Variants in CA5B observed in about 807,000 individuals in gnomAD.
CA5B encodes carbonic anhydrase 5B, also known as carbonic anhydrase 5B, mitochondrial.
A neutral mutation model predicts 23.1 loss-of-function variants in CA5B; 15 were observed. The ratio of observed to expected loss-of-function variants is 0.65; its 90% confidence interval spans 0.43 to 1.00. The LOEUF is 1.00. CA5B is among the 50% of genes least tolerant of loss of function. The pLI, the probability that CA5B is intolerant of heterozygous loss-of-function variation, is 0.00. For synonymous variants in CA5B, 84 were observed against 98.5 expected (o/e 0.85, Z 0.87); for missense variants, 236 against 252.2 (o/e 0.94, Z 0.43).
chrX:15,750,046 G>T lies in CA5B; in HGVS notation c.23G>T (p.Arg8Met). 2 of 1,209,789 alleles carry T rather than the reference G, an allele frequency of 1.7e-6. No homozygotes were observed. Among genetic ancestry groups the T allele is most frequent in the Non-Finnish European group, 2.2e-6 (2 of 893,641 alleles). ...AAGATGGTGGTGATGAACAGCCTGA[G>T]GGTCATTCTTCAAGCCTCTCCAGGC... MVVMNSL[R>M]VILQASPGKL... is the part of the protein sequence containing the mutation. Residue 8 changes from arginine (R) to methionine (M), a missense_variant, in exon 2 of 8, where the codon AGG becomes ATG. Physicochemically the swap from Arg to Met is moderately conservative, Grantham distance 91. Transcript: ENST00000318636.
intron 2 of CA5B, among the ~76,000 whole-genome samples, chrX:15,760,560 G>A (rs1447171474): frequency 1.8e-5 from 2 of 111,801 alleles, no homozygotes; most frequent in Non-Finnish European, 3.8e-5. Flanking sequence ...GAGTGTGAGT[G>A]TTGATACTTC....
At chrX:15,762,912 G>A (rs1193125402) in intron 2 of CA5B, 3 of 348,987 alleles carry the variant, frequency 8.6e-6, no homozygotes, top group Non-Finnish European at 1.7e-5. Context: ...TGTGTTATCA[G>A]CAAGTCTGCT....
chrX:15,777,167 A>T (rs1223065852), intron 7 of CA5B, among the ~76,000 whole-genome samples: 1 of 111,748 alleles, frequency 8.9e-6, no homozygotes, highest in Non-Finnish European at 1.9e-5. Context: ...CAAAATCAAG[A>T]CCCTTTTAAA....
intron 1 of CA5B, among the ~76,000 whole-genome samples, chrX:15,748,720 GC>G (rs1931292012): frequency 2.8e-5 from 1 of 35,238 alleles, no homozygotes; most frequent in Admixed American, 3.3e-4. Context: ...CCCCCCCCCC[GC>G]CCCCGCCAAC....
intron 2 of CA5B, among the ~76,000 whole-genome samples, chrX:15,758,823 C>T (rs909871495): frequency 2.7e-5 from 3 of 111,695 alleles, no homozygotes; most frequent in Admixed American, 9.5e-5. Context: ...TTTGAGGAGA[C>T]GTATACATTC....
chrX:15,782,681 C>T lies in CA5B; in HGVS notation c.*17C>T. The T allele has an allele frequency of 8.7e-7, 1 of 1,144,786 alleles. No individual in the cohort carries two copies. Among genetic ancestry groups the T allele is most frequent in the Non-Finnish European group, 1.2e-6 (1 of 859,356 alleles). The allele number at this position is 1,144,786 out of a possible 1,213,427, so 94.3% of individuals were successfully genotyped here. A position where few individuals can be genotyped will look rare whatever the true frequency, so the allele number is the denominator to read the frequency against. ...ACCCCCTAAAACATTCATATCTAGG[C>T]AGTATTTTGCTTTTGCTTTAATATA... On this transcript the variant is annotated 3_prime_UTR_variant, in exon 8 of 8. Transcript: ENST00000318636.
At chrX:15,769,366 G>A (rs972867080) in intron 3 of CA5B, 39 of 421,452 alleles carry the variant, frequency 9.3e-5, no homozygotes, top group Non-Finnish European at 1.1e-4. Context: ...GTAGGACACC[G>A]TTACTGATTT....
At chrX:15,772,300 A>C (rs1931835186) in intron 3 of CA5B, among the ~76,000 whole-genome samples, 196 bp from the exon 4 acceptor site, 1 of 112,498 alleles carries the variant, frequency 8.9e-6, no homozygotes, top group African/African-American at 3.2e-5. Flanking sequence ...ATGTAGTTAA[A>C]TCTTGATGTT....
chrX:15,782,280 C>G (rs1441882878), intron 7 of CA5B, among the ~76,000 whole-genome samples: 1 of 112,407 alleles, frequency 8.9e-6, no homozygotes, highest in African/African-American at 3.2e-5. Context: ...GCTCTCCTCC[C>G]CACAGGACCA....
At position 15,782,839 on chromosome X, in the gene CA5B, C is replaced by T. The variant is rs1932050032; in HGVS notation, c.*175C>T. ...AAGGCTATTCGGTACCAGCAAGAGA[C>T]ACAAGTTTCTCTTACAGATACCTGT... On this transcript the variant is annotated 3_prime_UTR_variant, in exon 8 of 8. Transcript: ENST00000318636. The T allele has an allele frequency of 2.7e-6, 1 of 372,475 alleles. No individual in the cohort carries two copies. The highest frequency in any genetic ancestry group is 4.6e-6 in the Non-Finnish European group (1 of 216,425). 30.7% of individuals were successfully genotyped at this position (372,475 alleles called of 1,213,427 possible).
chrX:15,752,184 A>AT (rs199796555), intron 2 of CA5B, among the ~76,000 whole-genome samples: 3,491 of 106,957 alleles, frequency 0.033, 143 homozygotes, highest in African/African-American at 0.11. Context: ...CGAAACTCTG[A>AT]TTTTTTTTTT....
At chrX:15,752,201 C>A (rs976462941) in intron 2 of CA5B, among the ~76,000 whole-genome samples, 2 of 110,314 alleles carry the variant, frequency 1.8e-5, no homozygotes, top group Admixed American at 9.7e-5. Context: ...TTTTATCTTG[C>A]CCAAATTCCT....
In CA5B at chrX:15,784,681, A is replaced by T; in HGVS notation, c.*2017A>T. 8.9e-6 allele frequency: 1 copy of T among 112,180 alleles called. No homozygotes were observed. Among genetic ancestry groups the T allele is most frequent in the African/African-American group, 3.2e-5 (1 of 30,867 alleles). The allele number at this position is 112,180 out of a possible 1,213,427, so 9.2% of individuals were successfully genotyped here. A position where few individuals can be genotyped will look rare whatever the true frequency, so the allele number is the denominator to read the frequency against. ...CTGAACTGTACACTTAAAGATCGTT[A>T]GGAAGGAAACGGGACTACATCAAAC... On this transcript the variant is annotated 3_prime_UTR_variant, in exon 8 of 8. Transcript: ENST00000318636.
chrX:15,765,419 G>A (rs1223815903), intron 3 of CA5B: 1 of 117,727 alleles, frequency 8.5e-6, no homozygotes, highest in Non-Finnish European at 1.7e-5. Context: ...TGATTTCAAA[G>A]TTTACCTGAA....
At position 15,787,658 on chromosome X, in the gene CA5B, T is replaced by TA. The variant is rs1932140128; in HGVS notation, c.*5000dup. 2 of 112,442 alleles carry TA rather than the reference T, an allele frequency of 1.8e-5. No homozygotes were observed. The highest frequency in any genetic ancestry group is 3.6e-4 in the South Asian group (1 of 2,761). The allele number at this position is 112,442 out of a possible 1,213,427, so 9.3% of individuals were successfully genotyped here. On this transcript the variant is annotated 3_prime_UTR_variant, in exon 8 of 8. Coordinates refer to ENST00000318636, the MANE Select transcript of CA5B (RefSeq NM_007220.4). The stretch of plus-strand genomic sequence containing the variant: ...AAATTTACATTCATTTCTAACTCAC[T>TA]AAAAAATCTATGGCCGGGTGCGGTG...
chrX:15,777,767 A>T (rs1293569419), intron 7 of CA5B, among the ~76,000 whole-genome samples: 2 of 112,037 alleles, frequency 1.8e-5, no homozygotes, highest in East Asian at 2.8e-4. Context: ...AAAAATCACC[A>T]TTCAGTTTTT....
At chrX:15,746,848 G>C (rs1382205959) in intron 1 of CA5B, among the ~76,000 whole-genome samples, 2 of 111,026 alleles carry the variant, frequency 1.8e-5, no homozygotes, top group African/African-American at 3.3e-5. Flanking sequence ...GGTGTCAGCT[G>C]ATCCATCAAG....
At chrX:15,771,204 C>T (rs762594875) in intron 3 of CA5B, among the ~76,000 whole-genome samples, 1 of 30,189 alleles carries the variant, frequency 3.3e-5, no homozygotes, top group Non-Finnish European at 5.7e-5. Flanking sequence ...CTCATCTCTA[C>T]AAAAAAAAAA....
rs765235669 is a variant in CA5B, at chrX:15,756,895, A to G, written c.142+6730A>G. Reference sequence around the variant, plus strand: ...CCGTGAAACCCCGTCTCTACTAAAAATACAAAAATTTAGCCGGGTGTGGTG... The same window carrying G: ...CCGTGAAACCCCGTCTCTACTAAAAGTACAAAAATTTAGCCGGGTGTGGTG... On this transcript the variant is annotated intron_variant, in intron 2 of 7. Transcript: ENST00000318636. Among the ~76,000 whole-genome samples, 4 of 106,941 alleles carry G rather than the reference A, an allele frequency of 3.7e-5. No homozygotes were observed. In the Admixed American group the frequency reaches 4.0e-4, roughly 11 times the overall value. The allele number at this position is 106,941 out of a possible 115,157, so 92.9% of individuals were successfully genotyped here.
Sources: allele counts gnomAD v4.1 joint callset (sites outside exome capture counted in the v4.1 genomes callset), GRCh38; gene constraint gnomAD v4.1.1; transcripts MANE v1.5; gene names NCBI Gene and HGNC (gene_info 2026-07-23, HGNC 2026-07-21).